The following PSMC3IP variants were observed in gnomAD, a reference collection of about 807,000 sequenced individuals.
PSMC3IP encodes the protein homologous-pairing protein 2 homolog.
Under a neutral mutation model 34.9 loss-of-function variants are expected in PSMC3IP, and 26 were observed. That is an observed-to-expected ratio of 0.74 (90% CI 0.55 to 1.03). The LOEUF (loss-of-function observed/expected upper bound fraction) is 1.03, where lower values mean the gene tolerates loss of function less well. PSMC3IP is among the 50% of genes least tolerant of loss of function. The probability of loss-of-function intolerance (pLI) is 0.00; values close to 1 mark genes in which losing one functional copy is unlikely to be tolerated. For synonymous variants in PSMC3IP, 87 were observed against 96.5 expected, an observed-to-expected ratio of 0.90 and a Z score of 0.57; for missense variants, 250 against 263.1, an observed-to-expected ratio of 0.95 and a Z score of 0.34.
intron 2 of PSMC3IP, 79 bp from the exon 3 acceptor site, chr17:42,577,381 G>A (rs2093082582): frequency 1.9e-6 from 3 of 1,606,988 alleles, no homozygotes; most frequent in East Asian, 4.5e-5. Flanking sequence ...TGTGGAAAAC[G>A]CCCAAGGCTC....
chr17:42,574,213 G>T lies in PSMC3IP; in HGVS notation c.226-3C>A. ...TCACTCACCATGTCAAACTGGTCCT[G>T]CCAGACAAAGAGGGAAAATACAAGT... On this transcript the variant is annotated splice_polypyrimidine_tract_variant and splice_region_variant and intron_variant, in intron 3 of 7. Transcript: ENST00000393795. 2 of 1,613,502 alleles carry T rather than the reference G, an allele frequency of 1.2e-6. No homozygotes were observed. The highest frequency in any genetic ancestry group is 1.7e-6 in the Non-Finnish European group (2 of 1,179,724).
Position 42,574,087 on chromosome 17 carries a change from A to C in PSMC3IP, c.337+12T>G. 1 of 1,614,074 alleles carries C rather than the reference A, an allele frequency of 6.2e-7. No individual in the cohort carries two copies. Among genetic ancestry groups the C allele is most frequent in the Non-Finnish European group, 8.5e-7 (1 of 1,179,984 alleles). On this transcript the variant is annotated intron_variant, in intron 4 of 7. Transcript: ENST00000393795. The stretch of plus-strand genomic sequence containing the variant: ...AGCCTATGGGCACTTTGGAGGGGCT[A>C]CCCAGTCCTACCAGCCTCCATGTAG...
At chr17:42,575,644 G>C (rs959313243) in intron 3 of PSMC3IP, among the ~76,000 whole-genome samples, 1 of 152,026 alleles carries the variant, frequency 6.6e-6, no homozygotes, top group Non-Finnish European at 1.5e-5. Context: ...TGAGAAATGG[G>C]GTCTGCCCTA....
chr17:42,577,350 C>G (rs551508922), intron 2 of PSMC3IP, 48 bp from the exon 3 acceptor site: 2 of 1,610,766 alleles, frequency 1.2e-6, no homozygotes, highest in South Asian at 2.2e-5. Context: ...GAGCCTGGGT[C>G]TGGGGAAATC....
intron 3 of PSMC3IP, among the ~76,000 whole-genome samples, chr17:42,576,416 G>C (rs1480751985): frequency 6.6e-6 from 1 of 152,164 alleles, no homozygotes; most frequent in Non-Finnish European, 1.5e-5. Flanking sequence ...TATGTTTGAA[G>C]AGCCAAGATC....
chr17:42,577,380 C>T, intron 2 of PSMC3IP, 78 bp from the exon 3 acceptor site: 1 of 1,607,352 alleles, frequency 6.2e-7, no homozygotes, highest in Non-Finnish European at 8.5e-7. Context: ...ATGTGGAAAA[C>T]GCCCAAGGCT....
chr17:42,574,317 CCA>C (rs1463652572), intron 3 of PSMC3IP, 107 bp from the exon 4 acceptor site: 1 of 1,540,522 alleles, frequency 6.5e-7, no homozygotes, highest in Non-Finnish European at 8.8e-7. Context: ...CAGCCACACC[CCA>C]AAGTCTCCAG....
chr17:42,575,960 A>G (rs911700109), intron 3 of PSMC3IP, among the ~76,000 whole-genome samples: 4 of 151,924 alleles, frequency 2.6e-5, no homozygotes, highest in African/African-American at 9.7e-5. Context: ...GGTGGAGCTT[A>G]TAGTGAGCCG....
In PSMC3IP at chr17:42,572,725, A is replaced by G. The variant is rs1199636572; in HGVS notation, c.*243T>C. 2 of 627,854 alleles carry G rather than the reference A, an allele frequency of 3.2e-6. No individual in the cohort carries two copies. Among genetic ancestry groups the G allele is most frequent in the Admixed American group, 4.2e-5 (2 of 47,926 alleles). 38.9% of individuals were successfully genotyped at this position (627,854 alleles called of 1,614,324 possible). ...AATGCTTTCCTTTAGCATTGTTCCA[A>G]GTCTAAATGTTAACCTCAAGCTACT... is the stretch of plus-strand genomic sequence containing the variant. On this transcript the variant is annotated 3_prime_UTR_variant, in exon 8 of 8. Transcript: ENST00000393795.
rs748946959 is a variant in PSMC3IP at position 42,573,505 on chromosome 17, A to G, written c.456T>C (p.Asn152=). ...ERLKNIKAAT[N]HVTPEEKEQV... ...GCTCTTTCTCTTCTGGAGTCACATG[A>G]TTGGTAGCTGCTTTAATGTTCTTCA... The change falls in exon 5 of 8, where the codon AAT becomes AAC. Residue 152 remains asparagine, a synonymous_variant. Transcript: ENST00000393795. 3 of 1,614,130 alleles carry G rather than the reference A, an allele frequency of 1.9e-6. No individual in the cohort carries two copies. Among genetic ancestry groups the G allele is most frequent in the East Asian group, 4.5e-5 (2 of 44,884 alleles).
rs2093044099 is a variant in PSMC3IP at position 42,572,953 on chromosome 17, C to T, written c.*15G>A. The T allele has an allele frequency of 6.2e-7, 1 of 1,613,642 alleles. No homozygotes were observed. Among genetic ancestry groups the T allele is most frequent in the Non-Finnish European group, 8.5e-7 (1 of 1,179,800 alleles). On this transcript the variant is annotated 3_prime_UTR_variant, in exon 8 of 8. Transcript: ENST00000393795. ...TGACATCCTGCAGTCCCCACCAGTC[C>T]TGACCGTGGGCCCCTCAGGGGTCTG... is the stretch of plus-strand genomic sequence containing the variant.
intron 3 of PSMC3IP, among the ~76,000 whole-genome samples, chr17:42,575,114 A>G (rs545941678): frequency 1.3e-5 from 2 of 152,214 alleles, no homozygotes; most frequent in South Asian, 2.1e-4. Flanking sequence ...ATGAGGGGCC[A>G]TTGCTAGAAA....
rs748921082 is a variant in PSMC3IP at position 42,577,681 on chromosome 17, A to T, written c.6T>A (p.Ser2Arg). 1.2e-6 allele frequency: 2 copies of T among 1,613,690 alleles called. No homozygotes were observed. Among genetic ancestry groups the T allele is most frequent in the East Asian group, 2.2e-5 (1 of 44,878 alleles). The change falls in exon 1 of 8, where the codon AGT (serine) becomes AGA (arginine). Residue 2 changes from serine to arginine, a missense_variant. Transcript: ENST00000393795. M[S>R]KGRAEAAAGA... ...CCGCCGCAGCTTCTGCCCGGCCTTTACTCATCGCCTTTCCCGCCACCCAAC... is the reference window on the plus strand; with the variant it reads ...CCGCCGCAGCTTCTGCCCGGCCTTTTCTCATCGCCTTTCCCGCCACCCAAC...
chr17:42,577,596 A>T (rs1056307121), intron 1 of PSMC3IP, 35 bp from the exon 2 acceptor site: 5 of 1,613,938 alleles, frequency 3.1e-6, no homozygotes, highest in Non-Finnish European at 4.2e-6. Context: ...GGGCCACTCA[A>T]CCGACCTCCT....
chr17:42,576,633 A>G (rs1438693441), intron 3 of PSMC3IP: 1 of 182,470 alleles, frequency 5.5e-6, no homozygotes, highest in African/African-American at 2.4e-5. Context: ...ACCCATCTCT[A>G]TAAAAATTAA....
intron 2 of PSMC3IP, 22 bp from the exon 3 acceptor site, chr17:42,577,324 G>A: frequency 6.2e-7 from 1 of 1,612,786 alleles, no homozygotes; most frequent in Non-Finnish European, 8.5e-7. Flanking sequence ...GAGAGAAGGA[G>A]CAATCAGAGG....
chr17:42,577,125 G>T, intron 3 of PSMC3IP, 88 bp downstream of exon 3: 1 of 1,596,364 alleles, frequency 6.3e-7, no homozygotes. Flanking sequence ...TTTCCATGGG[G>T]GGCCTTGTCC....
chr17:42,573,605 CT>C lies in PSMC3IP; in HGVS notation c.355del (p.Ser119ValfsTer3). ...CTGCATCTCTGGTGTGGTCAGGGCA[CT>C]AGATAATTCCTTGAGCTCTGAAACC... The part of the protein sequence containing the change: ...YMEAELKELS[S>X]ALTTPEMQKE... On this transcript the variant is annotated frameshift_variant, in exon 5 of 8. Coordinates refer to ENST00000393795, the MANE Select transcript of PSMC3IP (RefSeq NM_016556.4). LOFTEE classifies it high-confidence loss of function. 1 of 1,614,188 alleles carries C rather than the reference CT, an allele frequency of 6.2e-7. No homozygotes were observed. Among genetic ancestry groups the C allele is most frequent in the Non-Finnish European group, 8.5e-7 (1 of 1,180,022 alleles).
chr17:42,573,780 C>T (rs754595340), intron 4 of PSMC3IP, 157 bp from the exon 5 acceptor site: 271 of 1,502,690 alleles, frequency 1.8e-4, no homozygotes, highest in Non-Finnish European at 2.2e-4. Flanking sequence ...AATTTTCTTT[C>T]CTCCTCCATC....
Sources: gnomAD v4.1 joint callset for allele counts (sites outside exome capture counted in the v4.1 genomes callset) on GRCh38, gnomAD v4.1.1 for gene constraint, MANE v1.5 for transcripts, NCBI Gene and HGNC (gene_info 2026-07-23, HGNC 2026-07-21) for gene names.